Variants in RAB37 observed in about 807,000 individuals in gnomAD.
The protein encoded by RAB37 is ras-related protein Rab-37.
In RAB37, 29 loss-of-function variants were observed where a neutral mutation model predicts 33.1. That is an observed-to-expected ratio of 0.88 (90% confidence interval 0.65 to 1.20). The LOEUF is 1.20. Among genes scored for constraint, RAB37 ranks in the 50% most tolerant of loss-of-function variants. The probability of loss-of-function intolerance (pLI) is 0.00; values close to 1 mark genes in which losing one functional copy is unlikely to be tolerated. For synonymous variants in RAB37, 128 were observed against 119.5 expected (o/e 1.07, Z -0.47); for missense variants, 299 against 301.1 (o/e 0.99, Z 0.05).
chr17:74,745,115 G>C lies in RAB37; in HGVS notation c.566+31G>C. On this transcript the variant is annotated intron_variant, in intron 8 of 8. Coordinates refer to ENST00000392613, the MANE Select transcript of RAB37 (RefSeq NM_001006638.3). This position sits in a 1 kb window ranked among gnomAD's most constrained non-coding sequence, Gnocchi z 4.5. ...AGCTGGGCAGGGAAGGGAAGTGTGC[G>C]GGGCAGGGCGGCACACTCCAGGAAT... 2 of 1,608,138 alleles carry C rather than the reference G, an allele frequency of 1.2e-6. No individual in the cohort carries two copies. Among genetic ancestry groups the C allele is most frequent in the South Asian group, 2.2e-5 (2 of 90,930 alleles).
intron 1 of RAB37, among the ~76,000 whole-genome samples, chr17:74,726,770 G>A (rs964945073): frequency 3.3e-5 from 5 of 152,162 alleles, no homozygotes; most frequent in African/African-American, 2.4e-5. Context: ...GGCTGGGCCC[G>A]ACCCAAAGAG....
chr17:74,729,417 C>T lies in RAB37; in HGVS notation c.183+51C>T, dbSNP rs755024879. ...TCTGGGCCTGGGCTCAGGACCCCAG[C>T]GTGTTTCTGTTGAGTGCCAGCAGGA... On this transcript the variant is annotated intron_variant, in intron 2 of 7. Coordinates refer to the RAB37 transcript ENST00000340415. This position sits in a 1 kb window ranked among gnomAD's most constrained non-coding sequence, Gnocchi z 4.2. The T allele has an allele frequency of 1.7e-5, 23 of 1,315,750 alleles. No individual in the cohort carries two copies. Among genetic ancestry groups the T allele is most frequent in the South Asian group, 8.2e-5 (7 of 85,222 alleles). 81.5% of individuals were successfully genotyped at this position (1,315,750 alleles called of 1,614,324 possible). A position where few individuals can be genotyped will look rare whatever the true frequency, so the allele number is the denominator to read the frequency against.
chr17:74,671,149 G>A lies in RAB37; in HGVS notation c.-438G>A, dbSNP rs1217185927. The A allele has an allele frequency of 1.7e-5, 3 of 176,518 alleles. No individual in the cohort carries two copies. The highest frequency in any genetic ancestry group is 7.1e-5 in the African/African-American group (3 of 42,244). The allele number at this position is 176,518 out of a possible 1,614,324, so 10.9% of individuals were successfully genotyped here. On this transcript the variant is annotated 5_prime_UTR_variant, in exon 1 of 8. Coordinates refer to the RAB37 transcript ENST00000340415. The surrounding 1 kb of genome is among the most constrained non-coding windows in gnomAD (Gnocchi z 5.0). ...TGGTGACGGAGATGCCCGTTCGCTC[G>A]GGATCAGGAACGGTGAGCTCCTGGG...
chr17:74,686,372 C>T (rs778325599), intron 1 of RAB37, among the ~76,000 whole-genome samples: 5 of 151,956 alleles, frequency 3.3e-5, no homozygotes, highest in East Asian at 1.9e-4. Flanking sequence ...GGATTACAGA[C>T]GTGAGCCACC....
At chr17:74,728,021 ATG>A (rs921710316) in intron 1 of RAB37, among the ~76,000 whole-genome samples, 1 of 151,020 alleles carries the variant, frequency 6.6e-6, no homozygotes, top group African/African-American at 2.4e-5. Context: ...GTATATATAT[ATG>A]TGTTTGTGTT....
intron 1 of RAB37, among the ~76,000 whole-genome samples, chr17:74,691,008 T>G (rs1343551842): frequency 6.6e-6 from 1 of 152,184 alleles, no homozygotes; most frequent in Non-Finnish European, 1.5e-5. Context: ...TGCCTAGAAC[T>G]CCAGGGCTCA....
At chr17:74,687,669 G>C (rs2032081598) in intron 1 of RAB37, among the ~76,000 whole-genome samples, 1 of 152,156 alleles carries the variant, frequency 6.6e-6, no homozygotes, top group African/African-American at 2.4e-5. Context: ...ACAACTACTG[G>C]AGAGCTCCAC....
intron 1 of RAB37, among the ~76,000 whole-genome samples, chr17:74,688,411 G>C (rs950893325): frequency 3.9e-5 from 6 of 151,996 alleles, no homozygotes; most frequent in African/African-American, 1.4e-4. Context: ...AAATTAGCCA[G>C]GCATGGTGGC....
intron 1 of RAB37, among the ~76,000 whole-genome samples, chr17:74,684,614 CCT>C (rs2032017831): frequency 6.6e-6 from 1 of 151,786 alleles, no homozygotes; most frequent in African/African-American, 2.4e-5. Flanking sequence ...ATGACGAAAC[CCT>C]GTCTCTACTA....
intron 1 of RAB37, chr17:74,713,061 C>A (rs535668931): frequency 4.2e-5 from 24 of 566,122 alleles, no homozygotes; most frequent in Non-Finnish European, 5.7e-5. Flanking sequence ...AATCCTGGCA[C>A]TTTGGGAGGC....
upstream of RAB37, chr17:74,736,882 G>C: frequency 6.7e-7 from 1 of 1,496,022 alleles, no homozygotes; most frequent in Non-Finnish European, 8.9e-7. Context: ...CCACGGCCCG[G>C]GGCTCGGGCG....
chr17:74,734,922 GAGAGAAAGAA>G (rs919098279), upstream of RAB37, among the ~76,000 whole-genome samples: 11 of 133,038 alleles, frequency 8.3e-5, no homozygotes, highest in East Asian at 2.2e-4. Flanking sequence ...AGGAAGGAAG[GAGAGAAAGAA>G]AGAGAAAGAA....
In RAB37 at chr17:74,671,908, T is replaced by C; in HGVS notation, c.72+250T>C. ...ATTCACTTACATCATCTGTGTTCCTTTTTCACCCCCTCCTTCTCCTTGCCT... is the reference window on the plus strand; with the variant it reads ...ATTCACTTACATCATCTGTGTTCCTCTTTCACCCCCTCCTTCTCCTTGCCT... On this transcript the variant is annotated intron_variant, in intron 1 of 7. Transcript: ENST00000340415. This position sits in a 1 kb window ranked among gnomAD's most constrained non-coding sequence, Gnocchi z 5.0. Among the ~76,000 whole-genome samples, 1 of 152,176 alleles carries C rather than the reference T, an allele frequency of 6.6e-6. No individual in the cohort carries two copies. Among genetic ancestry groups the C allele is most frequent in the South Asian group, 2.1e-4 (1 of 4,814 alleles).
chr17:74,728,276 CTGTG>C (rs974599699), intron 1 of RAB37, among the ~76,000 whole-genome samples: 1 of 151,476 alleles, frequency 6.6e-6, no homozygotes, highest in African/African-American at 2.4e-5. Context: ...TTCCACATGT[CTGTG>C]TGCATGTGTG....
Position 74,744,515 on chromosome 17 carries a change from G to A in RAB37, c.432+142G>A. 1.3e-6 allele frequency: 1 copy of A among 784,846 alleles called. No homozygotes were observed. The highest frequency in any genetic ancestry group is 1.6e-5 in the South Asian group (1 of 63,920). 48.6% of individuals were successfully genotyped at this position (784,846 alleles called of 1,614,324 possible). A position where few individuals can be genotyped will look rare whatever the true frequency, so the allele number is the denominator to read the frequency against. ...CCAGCTCAGGGGTCAGACATATCTG[G>A]AGGCTTCTGCCCATCCCATCTGCCC... On this transcript the variant is annotated intron_variant, in intron 6 of 8. Transcript: ENST00000392613. The surrounding 1 kb of genome is among the most constrained non-coding windows in gnomAD (Gnocchi z 4.2).
chr17:74,711,403 T>C (rs570941467), intron 1 of RAB37, among the ~76,000 whole-genome samples: 2 of 152,314 alleles, frequency 1.3e-5, no homozygotes, highest in African/African-American at 4.8e-5. Context: ...ACTGTGCCAA[T>C]GCATTTCATA....
At chr17:74,698,398 G>A (rs985065044) in intron 1 of RAB37, 4 of 1,613,660 alleles carry the variant, frequency 2.5e-6, no homozygotes, top group Non-Finnish European at 3.4e-6. Context: ...CATCCTCCAA[G>A]CCAAGAGTGA....
chr17:74,695,375 T>G (rs899217485), intron 1 of RAB37: 33 of 1,178,250 alleles, frequency 2.8e-5, no homozygotes, highest in Non-Finnish European at 3.6e-5. Flanking sequence ...ACTCAAGCCC[T>G]CCAGCTTCCC....
chr17:74,737,797 T>C (rs2034516885), intron 1 of RAB37, among the ~76,000 whole-genome samples: 1 of 152,132 alleles, frequency 6.6e-6, no homozygotes, highest in Non-Finnish European at 1.5e-5. Context: ...AGCTCTTAGT[T>C]GAGATCTGAC....
Sources: allele counts gnomAD v4.1 joint callset (sites outside exome capture counted in the v4.1 genomes callset), GRCh38; gene constraint gnomAD v4.1.1; non-coding constraint Gnocchi (gnomAD v3.1); transcripts MANE v1.5; gene names NCBI Gene and HGNC (gene_info 2026-07-23, HGNC 2026-07-21).